Variants in BRINP3 observed in about 807,000 individuals in gnomAD.
BRINP3 encodes the protein BMP/retinoic acid-inducible neural-specific protein 3.
Under a neutral mutation model 71.0 loss-of-function variants are expected in BRINP3, and 19 were observed. That is an observed-to-expected ratio of 0.27 (90% CI 0.19 to 0.39). The LOEUF is 0.39. BRINP3 is among the 10% of genes least tolerant of loss of function. The pLI is 1.00. For missense variants in BRINP3, 959 were observed against 940.8 expected (o/e 1.02, Z -0.25); for synonymous variants, 380 against 337.7 (o/e 1.13, Z -1.37).
chr1:190,221,814 T>G (rs1226249683), intron 6 of BRINP3, among the ~76,000 whole-genome samples: 1 of 151,968 alleles, frequency 6.6e-6, no homozygotes, highest in Non-Finnish European at 1.5e-5. Context: ...TAAAAAGACA[T>G]AGGAGGTCAA....
intron 4 of BRINP3, among the ~76,000 whole-genome samples, chr1:190,257,804 G>A (rs1660802961): frequency 6.6e-6 from 1 of 152,214 alleles, no homozygotes; most frequent in African/African-American, 2.4e-5. Flanking sequence ...GGTATCACCA[G>A]TGGAGGCTGC....
At chr1:190,415,820 T>C (rs1672972833) in intron 2 of BRINP3, among the ~76,000 whole-genome samples, 1 of 152,158 alleles carries the variant, frequency 6.6e-6, no homozygotes, top group Non-Finnish European at 1.5e-5. Flanking sequence ...GGAGGATCAC[T>C]TGAGCTAAAG....
At chr1:190,246,803 T>C (rs1257062764) in intron 4 of BRINP3, among the ~76,000 whole-genome samples, 1 of 152,020 alleles carries the variant, frequency 6.6e-6, no homozygotes, top group Non-Finnish European at 1.5e-5. Context: ...CTGTTGTGCC[T>C]TCTACCAGCA....
intron 3 of BRINP3, among the ~76,000 whole-genome samples, chr1:190,280,763 A>G (rs1419609409): frequency 6.6e-6 from 1 of 151,952 alleles, no homozygotes; most frequent in African/African-American, 2.4e-5. Flanking sequence ...AGTGTTCTTC[A>G]TTATAAGAAA....
At chr1:190,202,353 A>C (rs1365445890) in intron 6 of BRINP3, among the ~76,000 whole-genome samples, 1 of 152,176 alleles carries the variant, frequency 6.6e-6, no homozygotes, top group Non-Finnish European at 1.5e-5. Flanking sequence ...TGTATCTAGG[A>C]AATAACTAAC....
intron 2 of BRINP3, among the ~76,000 whole-genome samples, chr1:190,441,754 A>T (rs1571320437): frequency 6.6e-6 from 1 of 152,240 alleles, no homozygotes; most frequent in East Asian, 1.9e-4. Context: ...TGCTCTCAAG[A>T]GTAGGAGAAT....
intron 6 of BRINP3, among the ~76,000 whole-genome samples, chr1:190,214,846 G>C (rs949039979): frequency 6.6e-6 from 1 of 151,906 alleles, no homozygotes; most frequent in Non-Finnish European, 1.5e-5. Context: ...TGTCCTTAAT[G>C]ACAGACCATC....
intron 3 of BRINP3, among the ~76,000 whole-genome samples, chr1:190,280,761 T>A (rs1342924488): frequency 1.3e-5 from 2 of 151,948 alleles, no homozygotes; most frequent in Non-Finnish European, 2.9e-5. Context: ...ACAGTGTTCT[T>A]CATTATAAGA....
chr1:190,207,677 A>G (rs1655630560), intron 6 of BRINP3, among the ~76,000 whole-genome samples: 1 of 152,090 alleles, frequency 6.6e-6, no homozygotes, highest in South Asian at 2.1e-4. Flanking sequence ...TTACAAACAG[A>G]TTTAATAATT....
At chr1:190,273,274 CA>C (rs1349984408) in intron 3 of BRINP3, among the ~76,000 whole-genome samples, 1 of 151,396 alleles carries the variant, frequency 6.6e-6, no homozygotes, top group African/African-American at 2.4e-5. Flanking sequence ...TGATTGCGTT[CA>C]AAAGTCATTT....
intron 6 of BRINP3, among the ~76,000 whole-genome samples, chr1:190,206,480 GA>G (rs71706918): frequency 0.019 from 2,840 of 151,368 alleles, 83 homozygotes; most frequent in African/African-American, 0.065. Flanking sequence ...CATTAAGTTA[GA>G]AAAAAAACGT....
intron 2 of BRINP3, among the ~76,000 whole-genome samples, chr1:190,398,397 A>T (rs1244312477): frequency 6.6e-6 from 1 of 151,934 alleles, no homozygotes; most frequent in Admixed American, 6.6e-5. Flanking sequence ...GGATGATGTA[A>T]AATTCTGAAT....
At chr1:190,286,914 T>C (rs1009623094) in intron 2 of BRINP3, among the ~76,000 whole-genome samples, 15 of 151,994 alleles carry the variant, frequency 9.9e-5, no homozygotes, top group African/African-American at 2.9e-4. Flanking sequence ...ATATATAAAA[T>C]TGACTTTAAA....
intron 2 of BRINP3, among the ~76,000 whole-genome samples, chr1:190,424,463 G>A (rs939463594): frequency 4.6e-5 from 7 of 151,542 alleles, no homozygotes; most frequent in African/African-American, 1.7e-4. Context: ...AGTGGAGAAC[G>A]AACATTGTTA....
intron 1 of BRINP3, among the ~76,000 whole-genome samples, chr1:190,461,630 A>G (rs1036031675): frequency 1.3e-5 from 2 of 152,216 alleles, no homozygotes; most frequent in African/African-American, 4.8e-5. Context: ...TGTTAGAGTG[A>G]ATGAATAAAT....
At chr1:190,283,869 T>A (rs1236872364) in intron 2 of BRINP3, among the ~76,000 whole-genome samples, 1 of 151,694 alleles carries the variant, frequency 6.6e-6, no homozygotes, top group African/African-American at 2.4e-5. Flanking sequence ...TCCTGAAAAA[T>A]GCTTGTAATT....
rs369786185 is a variant in BRINP3 at position 190,203,421 on chromosome 1, G to GTATA, written c.961+22657_961+22660dup. On this transcript the variant is annotated intron_variant, in intron 6 of 7. Transcript: ENST00000367462. ...CAAATATATATATGTATGTGTGTGT[G>GTATA]TATATATATATATATATGTATGTGT... Among the ~76,000 whole-genome samples, 182 of 144,866 alleles carry GTATA rather than the reference G, an allele frequency of 1.3e-3. 2 individuals carry two copies. The highest frequency in any genetic ancestry group is 7.4e-3 in the South Asian group (34 of 4,566).
At chr1:190,375,910 G>T (rs552053882) in intron 2 of BRINP3, among the ~76,000 whole-genome samples, 21 of 151,798 alleles carry the variant, frequency 1.4e-4, no homozygotes, top group African/African-American at 5.1e-4. Context: ...TCCCTTTCAG[G>T]ACATTTTTAG....
At chr1:190,167,928 G>A (rs747684675) in intron 6 of BRINP3, among the ~76,000 whole-genome samples, 36 of 152,106 alleles carry the variant, frequency 2.4e-4, no homozygotes, top group Non-Finnish European at 5.0e-4. Flanking sequence ...TAGTATCTCC[G>A]AGTGCTGTAT....
Sources: gnomAD v4.1 joint callset for allele counts (sites outside exome capture counted in the v4.1 genomes callset) on GRCh38, gnomAD v4.1.1 for gene constraint, MANE v1.5 for transcripts, NCBI Gene and HGNC (gene_info 2026-07-23, HGNC 2026-07-21) for gene names.